Variants in ACACA observed in about 807,000 individuals in gnomAD.
ACACA encodes the protein acetyl-CoA carboxylase alpha.
In ACACA, 103 loss-of-function variants were observed where a neutral mutation model predicts 296.1. That is an observed-to-expected ratio of 0.35 (90% CI 0.30 to 0.41). ACACA has a LOEUF of 0.41. Ranked by LOEUF, ACACA falls within the 10% of genes least tolerant of loss-of-function variation. ACACA has a pLI of 1.00. For missense variants in ACACA, 1,554 were observed against 2,989.7 expected, an observed-to-expected ratio of 0.52 and a Z score of 11.20; for synonymous variants, 953 against 1,038.6, an observed-to-expected ratio of 0.92 and a Z score of 1.58.
At chr17:37,373,994 T>G (rs965637847) in intron 1 of ACACA, among the ~76,000 whole-genome samples, 1 of 152,218 alleles carries the variant, frequency 6.6e-6, no homozygotes, top group Non-Finnish European at 1.5e-5. Flanking sequence ...AATAAAGATG[T>G]GAGGCATTTA....
chr17:37,098,463 G>A (rs1404564618), intron 52 of ACACA, among the ~76,000 whole-genome samples: 5 of 152,212 alleles, frequency 3.3e-5, no homozygotes, highest in Admixed American at 6.5e-5. Context: ...TCCTGTTTCC[G>A]TGTACATGCG....
At chr17:37,361,035 G>A (rs1044099435) in intron 1 of ACACA, among the ~76,000 whole-genome samples, 1 of 150,226 alleles carries the variant, frequency 6.7e-6, no homozygotes, top group Admixed American at 6.6e-5. Context: ...TCTTTCCCCA[G>A]GATTCTTTTT....
At chr17:37,326,649 G>A (rs1032237173) in intron 3 of ACACA, among the ~76,000 whole-genome samples, 11 of 151,842 alleles carry the variant, frequency 7.2e-5, no homozygotes, top group Non-Finnish European at 1.2e-4. Context: ...TGGCCAACAC[G>A]GTGAAACCCT....
intron 3 of ACACA, among the ~76,000 whole-genome samples, chr17:37,317,501 G>A (rs1265654316): frequency 6.6e-6 from 1 of 151,240 alleles, no homozygotes; most frequent in Admixed American, 6.6e-5. Context: ...GGGAGGCGGA[G>A]GCAGTGAGCC....
chr17:37,326,622 G>A (rs1041945240), intron 3 of ACACA, among the ~76,000 whole-genome samples: 1 of 152,034 alleles, frequency 6.6e-6, no homozygotes, highest in Non-Finnish European at 1.5e-5. Flanking sequence ...CCTGAGGTCA[G>A]GAGTTCGAGA....
intron 14 of ACACA, among the ~76,000 whole-genome samples, chr17:37,254,411 C>T (rs1319870188): frequency 6.6e-6 from 1 of 152,164 alleles, no homozygotes; most frequent in African/African-American, 2.4e-5. Flanking sequence ...TTTGACCTGA[C>T]TTACTTCTAC....
intron 1 of ACACA, among the ~76,000 whole-genome samples, chr17:37,366,244 T>G (rs2049596396): frequency 6.6e-6 from 1 of 152,174 alleles, no homozygotes; most frequent in South Asian, 2.1e-4. Flanking sequence ...TTCAGGTTTT[T>G]CCTGCTACAT....
intron 54 of ACACA, among the ~76,000 whole-genome samples, chr17:37,094,875 T>C (rs1458373220): frequency 1.3e-5 from 2 of 152,284 alleles, no homozygotes; most frequent in Non-Finnish European, 2.9e-5. Flanking sequence ...GTGCTCAGCA[T>C]GGCTGCCCCC....
rs2145651639 is a variant in ACACA at position 37,221,464 on chromosome 17, A to AAAGC, written c.3683+259_3683+260insGCTT. 7 of 394,144 alleles carry AAAGC rather than the reference A, an allele frequency of 1.8e-5. No homozygotes were observed. In the East Asian group the frequency reaches 2.8e-4, roughly 16 times the overall value. The allele number at this position is 394,144 out of a possible 1,614,324, so 24.4% of individuals were successfully genotyped here. A position where few individuals can be genotyped will look rare whatever the true frequency, so the allele number is the denominator to read the frequency against. On this transcript the variant is annotated intron_variant, in intron 29 of 55. Transcript: ENST00000616317. ...AGTAAATTCTTTCTAATTTTTTAAAAAAGAAACTATTTCCTCAGTGACATA... is the reference window on the plus strand; with the variant it reads ...AGTAAATTCTTTCTAATTTTTTAAAAAAGCAAGAAACTATTTCCTCAGTGACATA...
chr17:37,390,330 A>ATATAATATATATATATATATC (rs2050820789), intron 1 of ACACA, among the ~76,000 whole-genome samples: 1 of 41,590 alleles, frequency 2.4e-5, no homozygotes, highest in African/African-American at 1.3e-4. Flanking sequence ...ATATATATAT[A>ATATAATATATATATATATATC]TATAAAAGGC....
chr17:37,251,934 G>A lies in ACACA; in HGVS notation c.2081+71C>T. On this transcript the variant is annotated intron_variant, in intron 16 of 55. Transcript: ENST00000616317. Reference sequence around the variant, plus strand: ...CAGGAATGGACAGAAGAATAAATGGGTCTTTGAGCTTCAGTCCCTGTACTC... The same window carrying A: ...CAGGAATGGACAGAAGAATAAATGGATCTTTGAGCTTCAGTCCCTGTACTC... The A allele has an allele frequency of 2.9e-6, 4 of 1,358,530 alleles. No individual in the cohort carries two copies. The South Asian group carries it at 4.6e-5, about 16-fold the overall frequency. 84.2% of individuals were successfully genotyped at this position (1,358,530 alleles called of 1,614,324 possible).
chr17:37,158,286 A>T (rs901250985), intron 42 of ACACA, among the ~76,000 whole-genome samples: 1 of 152,178 alleles, frequency 6.6e-6, no homozygotes, highest in Non-Finnish European at 1.5e-5. Flanking sequence ...CAGGGGTAAG[A>T]TATAAATTTG....
chr17:37,169,659 T>C (rs2076811959), intron 41 of ACACA, among the ~76,000 whole-genome samples: 1 of 152,208 alleles, frequency 6.6e-6, no homozygotes, highest in South Asian at 2.1e-4. Context: ...TATAAAAGTA[T>C]ACACAGTGTG....
At chr17:37,252,682 G>A (rs2081050140) in intron 15 of ACACA, among the ~76,000 whole-genome samples, 1 of 152,166 alleles carries the variant, frequency 6.6e-6, no homozygotes, top group Non-Finnish European at 1.5e-5. Flanking sequence ...TATACCTCAG[G>A]AAGTAATGCT....
At chr17:37,291,238 C>T (rs571990610) in intron 3 of ACACA, among the ~76,000 whole-genome samples, 2 of 151,290 alleles carry the variant, frequency 1.3e-5, no homozygotes, top group South Asian at 4.2e-4. Flanking sequence ...TACAATGGTG[C>T]AATCTCAGCT....
rs556035719 is a variant in ACACA, at chr17:37,097,711, C to T, written c.6720+119G>A. The T allele has an allele frequency of 1.7e-4, 196 of 1,181,932 alleles. 3 individuals carry two copies. The South Asian group carries it at 2.7e-3, about 16-fold the overall frequency. The allele number at this position is 1,181,932 out of a possible 1,614,324, so 73.2% of individuals were successfully genotyped here. On this transcript the variant is annotated intron_variant, in intron 53 of 55. Coordinates refer to ENST00000616317, the MANE Select transcript of ACACA (RefSeq NM_198834.3). The surrounding 1 kb of genome is among the most constrained non-coding windows in gnomAD (Gnocchi z 4.8). ...TAAAAAATATTGAAAATGTTTTGAT[C>T]TGCAGAAGTTGTTTTAATTTGGCCC...
intron 11 of ACACA, among the ~76,000 whole-genome samples, chr17:37,261,099 CTG>C (rs2146259456): frequency 6.6e-6 from 1 of 152,254 alleles, no homozygotes; most frequent in East Asian, 1.9e-4. Context: ...ATTTGGTAAA[CTG>C]TTTCCTACAA....
chr17:37,229,844 C>T (rs144672966), intron 25 of ACACA, among the ~76,000 whole-genome samples: 3,372 of 149,002 alleles, frequency 0.023, 118 homozygotes, highest in African/African-American at 0.078. Flanking sequence ...CCGAGGTGGG[C>T]GGATTACCTG....
At chr17:37,392,379 G>A (rs1597793456) in intron 1 of ACACA, 1 of 152,338 alleles carries the variant, frequency 6.6e-6, no homozygotes, top group South Asian at 2.1e-4. Context: ...CTTTAATAGA[G>A]AGTTGCATAC....
Sources: gnomAD v4.1 joint callset for allele counts (sites outside exome capture counted in the v4.1 genomes callset) on GRCh38, gnomAD v4.1.1 for gene constraint, Gnocchi (gnomAD v3.1) non-coding constraint, MANE v1.5 for transcripts, NCBI Gene and HGNC (gene_info 2026-07-23, HGNC 2026-07-21) for gene names.